The following RAD51B variants were observed in gnomAD, a reference collection of about 807,000 sequenced individuals.
RAD51B encodes the protein DNA repair protein RAD51 homolog 2.
RAD51B carries 38 observed loss-of-function variants against 42.2 expected under a neutral mutation model. That is an observed-to-expected ratio of 0.90 (90% confidence interval 0.70 to 1.18). RAD51B has a LOEUF of 1.18. RAD51B is among the 50% of genes most tolerant of loss of function. RAD51B has a pLI of 0.00. For missense variants in RAD51B, 373 were observed against 400.7 expected (o/e 0.93, Z 0.59); for synonymous variants, 154 against 145.2 (o/e 1.06, Z -0.43).
intron 7 of RAD51B, among the ~76,000 whole-genome samples, chr14:68,061,234 A>AT (rs2076564108): frequency 6.6e-6 from 1 of 151,254 alleles, no homozygotes; most frequent in Non-Finnish European, 1.5e-5. Flanking sequence ...CACCCAGCTA[A>AT]TTTTTTGTAT....
At position 68,471,707 on chromosome 14, in the gene RAD51B, A is replaced by G. The variant is rs74059322; in HGVS notation, c.1036+3457A>G. 4.8e-3 allele frequency among the ~76,000 whole-genome samples: 718 copies of G among 150,522 alleles called. 6 individuals are homozygous for G. The highest frequency in any genetic ancestry group is 0.016 in the African/African-American group (667 of 41,042). On this transcript the variant is annotated intron_variant, in intron 10 of 10. Transcript: ENST00000471583. Reference sequence around the variant, plus strand: ...TTCTCCTTTTGCAAAAAAAAAAAAAAGGAAGAAAAAAAGTAAATGAAAGAA... The same window carrying G: ...TTCTCCTTTTGCAAAAAAAAAAAAAGGGAAGAAAAAAAGTAAATGAAAGAA...
chr14:68,046,219 G>A (rs762855040), intron 7 of RAD51B, among the ~76,000 whole-genome samples: 51 of 152,128 alleles, frequency 3.4e-4, no homozygotes, highest in African/African-American at 1.1e-3. Context: ...GACCTTTCGG[G>A]CTCAAGCAAT....
chr14:68,456,554 C>T (rs2085691106), intron 9 of RAD51B, among the ~76,000 whole-genome samples: 1 of 152,082 alleles, frequency 6.6e-6, no homozygotes, highest in South Asian at 2.1e-4. Flanking sequence ...AATGTATGTG[C>T]ACCTAACACC....
At chr14:68,105,947 CAA>C (rs1254313959) in intron 7 of RAD51B, among the ~76,000 whole-genome samples, 3 of 151,802 alleles carry the variant, frequency 2.0e-5, no homozygotes, top group Non-Finnish European at 2.9e-5. Context: ...GCTTTTAAAC[CAA>C]TTAGTTAGTA....
intron 7 of RAD51B, among the ~76,000 whole-genome samples, chr14:67,955,795 T>G (rs1201233424): frequency 6.6e-6 from 1 of 152,176 alleles, no homozygotes; most frequent in Non-Finnish European, 1.5e-5. Context: ...ATCCAATCCT[T>G]TTGTTAACAT....
chr14:68,346,242 A>C (rs1449205930), intron 8 of RAD51B, among the ~76,000 whole-genome samples: 1 of 152,238 alleles, frequency 6.6e-6, no homozygotes, highest in East Asian at 1.9e-4. Flanking sequence ...GGACAGAAAA[A>C]GAATTTTCTA....
chr14:68,008,566 C>T (rs775496815), intron 7 of RAD51B, among the ~76,000 whole-genome samples: 2 of 151,864 alleles, frequency 1.3e-5, no homozygotes, highest in South Asian at 4.2e-4. Context: ...ATGTATTGCT[C>T]TCTAACTAGG....
chr14:67,870,462 C>T (rs907700702), intron 5 of RAD51B, among the ~76,000 whole-genome samples: 1 of 142,048 alleles, frequency 7.0e-6, no homozygotes, highest in African/African-American at 2.7e-5. Flanking sequence ...TACAAAGAGA[C>T]TTAGACTCCC....
intron 7 of RAD51B, among the ~76,000 whole-genome samples, chr14:68,187,876 G>A (rs932407555): frequency 1.3e-5 from 2 of 151,998 alleles, no homozygotes; most frequent in Non-Finnish European, 2.9e-5. Context: ...GTGCAGTGGC[G>A]CAATCTCGGC....
At chr14:68,292,800 G>A (rs2081540559) in intron 8 of RAD51B, among the ~76,000 whole-genome samples, 1 of 152,212 alleles carries the variant, frequency 6.6e-6, no homozygotes, top group South Asian at 2.1e-4. Flanking sequence ...CTTAGAAATT[G>A]CAAGAACCAC....
intron 7 of RAD51B, among the ~76,000 whole-genome samples, chr14:67,897,058 T>C (rs2043445925): frequency 6.6e-6 from 1 of 152,092 alleles, no homozygotes; most frequent in Non-Finnish European, 1.5e-5. Flanking sequence ...AAGAATGAGA[T>C]TGGGCCCTTA....
At chr14:68,448,146 G>C (rs1259712969) in intron 9 of RAD51B, among the ~76,000 whole-genome samples, 1 of 152,196 alleles carries the variant, frequency 6.6e-6, no homozygotes, top group Non-Finnish European at 1.5e-5. Context: ...ACTATAGGGA[G>C]CTGAGGATGG....
chr14:68,235,510 C>A (rs1032041072), intron 7 of RAD51B, among the ~76,000 whole-genome samples: 5 of 151,062 alleles, frequency 3.3e-5, no homozygotes, highest in Non-Finnish European at 7.4e-5. Flanking sequence ...CGAGACCATC[C>A]CGGCTAAAAC....
At chr14:67,877,763 A>G (rs184791789) in intron 5 of RAD51B, among the ~76,000 whole-genome samples, 1 of 152,296 alleles carries the variant, frequency 6.6e-6, no homozygotes, top group Admixed American at 6.5e-5. Flanking sequence ...ACTGGGTACA[A>G]GGGATCCCCT....
intron 7 of RAD51B, among the ~76,000 whole-genome samples, chr14:68,093,899 C>G (rs1053059671): frequency 6.6e-6 from 1 of 152,172 alleles, no homozygotes; most frequent in African/African-American, 2.4e-5. Context: ...AGCATACACA[C>G]CCTGATGGTC....
chr14:68,098,747 T>C (rs7155152), intron 7 of RAD51B, among the ~76,000 whole-genome samples: 15,726 of 152,128 alleles, frequency 0.1, 2,466 homozygotes, highest in African/African-American at 0.34. Context: ...TGGGTGGGGA[T>C]ACAGAGCTAA....
intron 10 of RAD51B, among the ~76,000 whole-genome samples, chr14:68,622,723 CAAA>C (rs34816047): frequency 0.018 from 2,024 of 115,438 alleles, 26 homozygotes; most frequent in African/African-American, 0.048. Flanking sequence ...TATCCATTTA[CAAA>C]AAAAAAAAAA....
chr14:68,270,076 C>A (rs1355091781), intron 7 of RAD51B, among the ~76,000 whole-genome samples: 1 of 152,188 alleles, frequency 6.6e-6, no homozygotes. Flanking sequence ...AATACTAACC[C>A]TAAGAATAAC....
At chr14:68,109,121 A>C (rs2077422446) in intron 7 of RAD51B, among the ~76,000 whole-genome samples, 1 of 151,998 alleles carries the variant, frequency 6.6e-6, no homozygotes, top group Non-Finnish European at 1.5e-5. Flanking sequence ...TCATTAAAAA[A>C]TGTGTTTATT....
Sources: gnomAD v4.1 joint callset for allele counts (sites outside exome capture counted in the v4.1 genomes callset) on GRCh38, gnomAD v4.1.1 for gene constraint, MANE v1.5 for transcripts, NCBI Gene and HGNC (gene_info 2026-07-23, HGNC 2026-07-21) for gene names.